Variants in MRAP2 observed in about 807,000 individuals in gnomAD.
MRAP2 encodes melanocortin 2 receptor accessory protein 2.
In MRAP2, 20 loss-of-function variants were observed where a neutral mutation model predicts 17.4. That is an observed-to-expected ratio of 1.15 (90% CI 0.81 to 1.67). The LOEUF (loss-of-function observed/expected upper bound fraction) is 1.67, where lower values mean the gene tolerates loss of function less well. Ranked by LOEUF, MRAP2 falls within the 40% of genes most tolerant of loss-of-function variation. MRAP2 has a pLI of 0.00. For missense variants in MRAP2, 238 were observed against 240.0 expected, an observed-to-expected ratio of 0.99 and a Z score of 0.05; for synonymous variants, 96 against 88.4, an observed-to-expected ratio of 1.09 and a Z score of -0.48.
the MRAP2 span, among the ~76,000 whole-genome samples, chr6:84,122,816 A>G: frequency 6.6e-6 from 1 of 152,192 alleles, no homozygotes; most frequent in Non-Finnish European, 1.5e-5. Context: ...ACACGATTGT[A>G]TACCTAGAAA....
chr6:84,072,391 C>G (rs1399191348), intron 3 of MRAP2, among the ~76,000 whole-genome samples: 1 of 152,196 alleles, frequency 6.6e-6, no homozygotes, highest in Non-Finnish European at 1.5e-5. Flanking sequence ...TGGGCTGGTA[C>G]TGGGGGTTGT....
At chr6:84,118,560 G>T in the MRAP2 span, among the ~76,000 whole-genome samples, 4 of 151,988 alleles carry the variant, frequency 2.6e-5, no homozygotes, top group African/African-American at 7.2e-5. Context: ...CTGGGGGAAC[G>T]CTTCCTCAGA....
At chr6:84,072,286 C>T (rs1174710067) in intron 3 of MRAP2, among the ~76,000 whole-genome samples, 1 of 152,144 alleles carries the variant, frequency 6.6e-6, no homozygotes, top group African/African-American at 2.4e-5. Context: ...GTAGTACTCT[C>T]CCCCTTTTCC....
At position 84,034,896 on chromosome 6, in the gene MRAP2, AG is replaced by A. The variant is rs1431570102; in HGVS notation, c.-8+1015del. ...AGTGGGGAGTAGGGGTCTGGAAGCT[AG>A]GACTGTGAGTCTAGTTTCCTTTAGG... On this transcript the variant is annotated intron_variant, in intron 1 of 3. Coordinates refer to ENST00000257776, the MANE Select transcript of MRAP2 (RefSeq NM_138409.4). Among the ~76,000 whole-genome samples, 69 of 152,252 alleles carry A rather than the reference AG, an allele frequency of 4.5e-4. 4 individuals carry two copies. In the South Asian group the frequency reaches 0.013, roughly 29 times the overall value.
downstream of MRAP2, among the ~76,000 whole-genome samples, chr6:84,093,825 A>G (rs1029011197): frequency 6.6e-6 from 1 of 152,224 alleles, no homozygotes; most frequent in East Asian, 1.9e-4. Context: ...AAGTCTAAGT[A>G]TGCATATGGG....
chr6:84,137,362 C>G, the MRAP2 span, among the ~76,000 whole-genome samples: 1 of 152,014 alleles, frequency 6.6e-6, no homozygotes, highest in Non-Finnish European at 1.5e-5. Context: ...TCTTATAAAC[C>G]CTATGATCAT....
intron 1 of MRAP2, among the ~76,000 whole-genome samples, chr6:84,052,317 C>G (rs1366001115): frequency 6.6e-6 from 1 of 152,144 alleles, no homozygotes; most frequent in East Asian, 1.9e-4. Flanking sequence ...CAGGGCCAGG[C>G]TGCCTCCCTC....
chr6:84,121,136 G>A, the MRAP2 span, among the ~76,000 whole-genome samples: 5 of 150,262 alleles, frequency 3.3e-5, no homozygotes, highest in South Asian at 2.1e-4. Context: ...GTGCAGTGGT[G>A]CAATCATAGC....
chr6:84,077,406 T>C (rs2099497890), intron 3 of MRAP2, among the ~76,000 whole-genome samples: 1 of 152,216 alleles, frequency 6.6e-6, no homozygotes, highest in Admixed American at 6.5e-5. Context: ...TGTCACATCC[T>C]TCGTGGCTAG....
At chr6:84,113,366 T>A in the MRAP2 span, among the ~76,000 whole-genome samples, 1 of 152,214 alleles carries the variant, frequency 6.6e-6, no homozygotes, top group African/African-American at 2.4e-5. Flanking sequence ...TCTCATTTGA[T>A]CTTTGTTTAA....
chr6:84,068,912 A>C (rs541013282), intron 3 of MRAP2, among the ~76,000 whole-genome samples: 1 of 146,780 alleles, frequency 6.8e-6, no homozygotes, highest in East Asian at 2.0e-4. Flanking sequence ...CAGGCAATCC[A>C]CCCACCTCAG....
intron 2 of MRAP2, among the ~76,000 whole-genome samples, chr6:84,060,363 G>T (rs562583565): frequency 7.6e-4 from 116 of 152,228 alleles, no homozygotes; most frequent in African/African-American, 2.7e-3. Context: ...GACTGGGCTG[G>T]GTTGAGGGCA....
Position 84,067,973 on chromosome 6 carries a change from A to G in MRAP2, c.227+4981A>G, listed in dbSNP as rs144032188. Among the ~76,000 whole-genome samples, 908 of 152,254 alleles carry G rather than the reference A, an allele frequency of 6.0e-3. 5 individuals are homozygous for G. The highest frequency in any genetic ancestry group is 0.021 in the African/African-American group (876 of 41,572). On this transcript the variant is annotated intron_variant, in intron 3 of 3. Transcript: ENST00000257776. ...TCATGAAATCCTTGCCTAAGCCAGC[A>G]TCTAGAAGCGTTTTTCCAATGTTAT...
the MRAP2 span, chr6:84,126,593 T>C: frequency 1.9e-6 from 2 of 1,080,948 alleles, no homozygotes; most frequent in African/African-American, 1.6e-5. Context: ...AATATTTGTA[T>C]AAAATTTCTC....
the MRAP2 span, among the ~76,000 whole-genome samples, chr6:84,143,381 A>C: frequency 1.2e-4 from 19 of 152,030 alleles, no homozygotes; most frequent in African/African-American, 2.4e-5. Context: ...TAATGTTACT[A>C]AGGATTAAAA....
the MRAP2 span, among the ~76,000 whole-genome samples, chr6:84,139,402 C>A: frequency 6.6e-6 from 1 of 152,186 alleles, no homozygotes; most frequent in African/African-American, 2.4e-5. Context: ...CATGAGGTTT[C>A]TCCTGTGATG....
the MRAP2 span, among the ~76,000 whole-genome samples, chr6:84,145,927 T>G: frequency 6.6e-6 from 1 of 152,132 alleles, no homozygotes; most frequent in South Asian, 2.1e-4. Flanking sequence ...TTGTTTTTCT[T>G]TTGTTTCCAT....
chr6:84,057,363 A>T (rs1387966517), intron 2 of MRAP2, among the ~76,000 whole-genome samples: 3 of 152,244 alleles, frequency 2.0e-5, no homozygotes, highest in African/African-American at 4.8e-5. Context: ...AGGAATGACC[A>T]TAACAGTTAT....
chr6:84,082,220 T>G (rs922963047), intron 3 of MRAP2, among the ~76,000 whole-genome samples: 20 of 152,210 alleles, frequency 1.3e-4, no homozygotes, highest in African/African-American at 4.8e-4. Flanking sequence ...ATCCAGTCTA[T>G]TCTATAGGCA....
Sources: gnomAD v4.1 joint callset for allele counts (sites outside exome capture counted in the v4.1 genomes callset) on GRCh38, gnomAD v4.1.1 for gene constraint, MANE v1.5 for transcripts, NCBI Gene and HGNC (gene_info 2026-07-23, HGNC 2026-07-21) for gene names.